SLC44A5: variants seen among roughly 807,000 people sequenced by gnomAD.
SLC44A5 encodes choline transporter-like protein 5.
A neutral mutation model predicts 101.8 loss-of-function variants in SLC44A5; 57 were observed. That is an observed-to-expected ratio of 0.56 (90% CI 0.45 to 0.70). The LOEUF is 0.70. Among genes scored for constraint, SLC44A5 ranks in the 30% least tolerant of loss-of-function variants. The probability of loss-of-function intolerance (pLI) is 0.00; values close to 1 mark genes in which losing one functional copy is unlikely to be tolerated. For synonymous variants in SLC44A5, 281 were observed against 290.9 expected, an observed-to-expected ratio of 0.97 and a Z score of 0.35; for missense variants, 737 against 853.1, an observed-to-expected ratio of 0.86 and a Z score of 1.70.
chr1:75,386,322 C>G (rs893745509), intron 3 of SLC44A5, among the ~76,000 whole-genome samples: 9 of 152,118 alleles, frequency 5.9e-5, no homozygotes, highest in Non-Finnish European at 2.9e-5. Context: ...ATTGTCTCAG[C>G]CGAAAATCTC....
In SLC44A5 at chr1:75,279,436, T is replaced by C. The variant is rs150311822; in HGVS notation, c.176-4394A>G. The stretch of plus-strand genomic sequence containing the variant: ...CTCAAGCCTTCAGTTGACTGCAGCT[T>C]TGGCTTACATCATAACCACAACTTC... On this transcript the variant is annotated intron_variant, in intron 5 of 23. Coordinates refer to ENST00000370859, the MANE Select transcript of SLC44A5 (RefSeq NM_001130058.2). 3.3e-3 allele frequency among the ~76,000 whole-genome samples: 496 copies of C among 152,208 alleles called. 1 individual carries two copies. The highest frequency in any genetic ancestry group is 0.012 in the African/African-American group (479 of 41,554).
the SLC44A5 span, among the ~76,000 whole-genome samples, chr1:75,676,626 A>G: frequency 2.0e-5 from 3 of 152,250 alleles, no homozygotes; most frequent in East Asian, 5.8e-4. Flanking sequence ...TGATAGGTGC[A>G]GCAAATCACC....
the SLC44A5 span, among the ~76,000 whole-genome samples, chr1:75,663,710 A>G: frequency 5.9e-5 from 9 of 152,320 alleles, no homozygotes; most frequent in South Asian, 1.7e-3. Flanking sequence ...ATACTACCAC[A>G]CATACAAAGA....
chr1:75,310,050 A>G (rs1655185509), intron 4 of SLC44A5, among the ~76,000 whole-genome samples: 1 of 152,220 alleles, frequency 6.6e-6, no homozygotes, highest in African/African-American at 2.4e-5. Flanking sequence ...TTTTAAGATA[A>G]AACTAAATAT....
At chr1:75,253,271 G>T (rs1649732392) in intron 6 of SLC44A5, among the ~76,000 whole-genome samples, 1 of 152,260 alleles carries the variant, frequency 6.6e-6, no homozygotes, top group Non-Finnish European at 1.5e-5. Flanking sequence ...CAAGTTCTTT[G>T]GCAGAGTCAA....
chr1:75,246,205 T>A (rs1230891634), intron 7 of SLC44A5, among the ~76,000 whole-genome samples: 1 of 152,100 alleles, frequency 6.6e-6, no homozygotes, highest in Non-Finnish European at 1.5e-5. Context: ...ATTTGGTGGC[T>A]GGGAGAGTGA....
At chr1:75,294,586 C>A (rs976647066) in intron 5 of SLC44A5, among the ~76,000 whole-genome samples, 1 of 152,052 alleles carries the variant, frequency 6.6e-6, no homozygotes, top group African/African-American at 2.4e-5. Flanking sequence ...ATTTAAGTAT[C>A]GATCAATAGT....
chr1:75,692,053 A>G, the SLC44A5 span, among the ~76,000 whole-genome samples: 10 of 152,184 alleles, frequency 6.6e-5, no homozygotes, highest in African/African-American at 2.4e-4. Flanking sequence ...GTGCAACTAC[A>G]GTGTTGAATG....
At chr1:75,501,673 T>C (rs1033900740) in intron 2 of SLC44A5, among the ~76,000 whole-genome samples, 1 of 152,188 alleles carries the variant, frequency 6.6e-6, no homozygotes, top group Non-Finnish European at 1.5e-5. Context: ...GTTGGTTTTG[T>C]CAGTCTCCGG....
the SLC44A5 span, among the ~76,000 whole-genome samples, chr1:75,722,644 A>G: frequency 3.3e-5 from 5 of 152,340 alleles, no homozygotes; most frequent in East Asian, 9.6e-4. Context: ...AAAAATAGGA[A>G]GGGCTGTGGA....
At chr1:75,539,744 TGAC>T (rs556533010) in intron 2 of SLC44A5, among the ~76,000 whole-genome samples, 1 of 152,148 alleles carries the variant, frequency 6.6e-6, no homozygotes, top group Non-Finnish European at 1.5e-5. Flanking sequence ...GCAAGCTACT[TGAC>T]AATAAATGGA....
At chr1:75,423,510 C>T (rs1410723906) in intron 2 of SLC44A5, among the ~76,000 whole-genome samples, 1 of 152,156 alleles carries the variant, frequency 6.6e-6, no homozygotes, top group Non-Finnish European at 1.5e-5. Flanking sequence ...AAATTCCTAA[C>T]TAGAGTCTAT....
At chr1:75,641,765 T>C in the SLC44A5 span, 17 of 1,577,122 alleles carry the variant, frequency 1.1e-5, no homozygotes, top group African/African-American at 1.4e-5. Flanking sequence ...AACCACTTTG[T>C]CCAGTGGAAA....
At chr1:75,668,811 A>C in the SLC44A5 span, among the ~76,000 whole-genome samples, 1 of 151,366 alleles carries the variant, frequency 6.6e-6, no homozygotes, top group Non-Finnish European at 1.5e-5. Context: ...CCTGGCCAAC[A>C]TGGCAAAACC....
chr1:75,594,483 A>G (rs1036860670), intron 1 of SLC44A5, among the ~76,000 whole-genome samples: 21 of 152,176 alleles, frequency 1.4e-4, no homozygotes, highest in African/African-American at 5.1e-4. Flanking sequence ...TAAAAAAATT[A>G]GAAAAGCTGA....
chr1:75,386,761 A>G (rs1341413482), intron 3 of SLC44A5, among the ~76,000 whole-genome samples: 1 of 151,664 alleles, frequency 6.6e-6, no homozygotes, highest in African/African-American at 2.4e-5. Flanking sequence ...AGGCAATCCT[A>G]AGCCAAAAGA....
At chr1:75,681,660 G>A in the SLC44A5 span, among the ~76,000 whole-genome samples, 1 of 149,150 alleles carries the variant, frequency 6.7e-6, no homozygotes, top group Non-Finnish European at 1.5e-5. Context: ...CATACTGAAT[G>A]GGCAAAAACT....
At chr1:75,417,585 T>C (rs1663736821) in intron 2 of SLC44A5, among the ~76,000 whole-genome samples, 1 of 152,250 alleles carries the variant, frequency 6.6e-6, no homozygotes, top group Non-Finnish European at 1.5e-5. Context: ...GGAATGAGTT[T>C]GGAAGACTGA....
At chr1:75,267,135 C>T (rs2100715748) in intron 6 of SLC44A5, among the ~76,000 whole-genome samples, 1 of 152,244 alleles carries the variant, frequency 6.6e-6, no homozygotes. Flanking sequence ...ATTGGAGGAC[C>T]TCAACAACAT....
Sources: allele counts gnomAD v4.1 joint callset (sites outside exome capture counted in the v4.1 genomes callset), GRCh38; gene constraint gnomAD v4.1.1; transcripts MANE v1.5; gene names NCBI Gene and HGNC (gene_info 2026-07-23, HGNC 2026-07-21).